The following NLGN1 variants were observed in gnomAD, a reference collection of about 807,000 sequenced individuals.
NLGN1 encodes neuroligin 1.
In NLGN1, 12 loss-of-function variants were observed where a neutral mutation model predicts 65.5. The ratio of observed to expected loss-of-function variants is 0.18; its 90% confidence interval spans 0.12 to 0.30. The LOEUF (loss-of-function observed/expected upper bound fraction) is 0.30, where lower values mean the gene tolerates loss of function less well. Ranked by LOEUF, NLGN1 falls within the 10% of genes least tolerant of loss-of-function variation. NLGN1 has a pLI of 1.00. For missense variants in NLGN1, 750 were observed against 1,007.1 expected, an observed-to-expected ratio of 0.74 and a Z score of 3.46; for synonymous variants, 350 against 359.5, an observed-to-expected ratio of 0.97 and a Z score of 0.30.
intron 3 of NLGN1, among the ~76,000 whole-genome samples, chr3:173,779,818 G>A (rs1450383578): frequency 6.6e-6 from 1 of 152,096 alleles, no homozygotes. Flanking sequence ...AGGCCTTAAA[G>A]ATGAGTGGCA....
intron 2 of NLGN1, among the ~76,000 whole-genome samples, chr3:173,512,509 C>T (rs1733142443): frequency 6.6e-6 from 1 of 152,154 alleles, no homozygotes; most frequent in Non-Finnish European, 1.5e-5. Context: ...TCCCGATGTC[C>T]AGCTGCTTCT....
chr3:173,887,367 A>G (rs1465363732), intron 4 of NLGN1, among the ~76,000 whole-genome samples: 1 of 151,956 alleles, frequency 6.6e-6, no homozygotes, highest in Non-Finnish European at 1.5e-5. Context: ...GTAGCTAACA[A>G]CTTGATCGTA....
chr3:174,040,912 C>G (rs1182056540), intron 4 of NLGN1, among the ~76,000 whole-genome samples: 1 of 152,110 alleles, frequency 6.6e-6, no homozygotes, highest in Admixed American at 6.6e-5. Context: ...TTGCAGTTAA[C>G]AGTACACTTC....
At chr3:174,181,603 G>C (rs1025773369) in intron 4 of NLGN1, among the ~76,000 whole-genome samples, 5 of 152,164 alleles carry the variant, frequency 3.3e-5, no homozygotes, top group African/African-American at 1.2e-4. Context: ...TTTGTTGACT[G>C]GGAAACATTC....
At chr3:173,929,905 T>C (rs1011932912) in intron 4 of NLGN1, among the ~76,000 whole-genome samples, 2 of 152,118 alleles carry the variant, frequency 1.3e-5, no homozygotes, top group African/African-American at 4.8e-5. Context: ...GGTTTCTCCA[T>C]GTTGGTCAGG....
chr3:174,242,778 C>T (rs763900404), intron 4 of NLGN1, among the ~76,000 whole-genome samples: 2 of 152,144 alleles, frequency 1.3e-5, no homozygotes, highest in Non-Finnish European at 2.9e-5. Context: ...AAATGCAATG[C>T]ACTTGAATCA....
intron 3 of NLGN1, among the ~76,000 whole-genome samples, chr3:173,653,079 A>G (rs1049614980): frequency 6.6e-6 from 1 of 152,142 alleles, no homozygotes; most frequent in Admixed American, 6.5e-5. Context: ...TGATTTTTGT[A>G]TATCTATTTT....
chr3:174,042,225 T>C (rs1317318136), intron 4 of NLGN1, among the ~76,000 whole-genome samples: 1 of 152,162 alleles, frequency 6.6e-6, no homozygotes, highest in Non-Finnish European at 1.5e-5. Context: ...AGTTTTAATT[T>C]TGATGTATTA....
rs140133915 is a variant in NLGN1, at chr3:173,441,438, G to T, written c.-321+6360G>T. Among the ~76,000 whole-genome samples the T allele has an allele frequency of 7.9e-5, 12 of 152,238 alleles. No individual in the cohort carries two copies. In the East Asian group the frequency reaches 2.3e-3, roughly 29 times the overall value. ...TAAGTATTTCTAGTTTTGATTGAAG[G>T]TGAGATATATGTGACTCTCCTTTCA... On this transcript the variant is annotated intron_variant, in intron 2 of 6. Transcript: ENST00000457714.
intron 2 of NLGN1, among the ~76,000 whole-genome samples, chr3:173,537,483 A>AGT (rs35226730): frequency 0.46 from 68,701 of 149,016 alleles, 16,422 homozygotes; most frequent in East Asian, 0.75. Context: ...GTATTTGCTT[A>AGT]GTGTGTGTGT....
intron 2 of NLGN1, among the ~76,000 whole-genome samples, chr3:173,580,385 T>A (rs1746203011): frequency 6.6e-6 from 1 of 152,076 alleles, no homozygotes; most frequent in Admixed American, 6.5e-5. Context: ...CTTGGTCTTT[T>A]ATTTCCATTA....
chr3:173,571,161 T>A (rs988559595), intron 2 of NLGN1, among the ~76,000 whole-genome samples: 1 of 152,210 alleles, frequency 6.6e-6, no homozygotes, highest in African/African-American at 2.4e-5. Context: ...AAAGGTTGGA[T>A]TTTTATGGTT....
At chr3:174,087,937 T>C (rs1043643821) in intron 4 of NLGN1, among the ~76,000 whole-genome samples, 5 of 152,348 alleles carry the variant, frequency 3.3e-5, no homozygotes, top group African/African-American at 9.6e-5. Context: ...TCCTGCAATA[T>C]GGCATCATTT....
intron 3 of NLGN1, among the ~76,000 whole-genome samples, chr3:173,764,309 A>C (rs553452399): frequency 6.6e-6 from 1 of 152,142 alleles, no homozygotes; most frequent in Non-Finnish European, 1.5e-5. Flanking sequence ...TGATAAGTAT[A>C]CTCTGTCTGA....
At chr3:174,200,976 C>T (rs1436327117) in intron 4 of NLGN1, among the ~76,000 whole-genome samples, 2 of 152,102 alleles carry the variant, frequency 1.3e-5, no homozygotes, top group Non-Finnish European at 2.9e-5. Flanking sequence ...GTTGTTCACG[C>T]CCGTAATCCC....
intron 3 of NLGN1, among the ~76,000 whole-genome samples, chr3:173,755,817 AC>A (rs893513290): frequency 2.0e-5 from 3 of 152,074 alleles, no homozygotes; most frequent in African/African-American, 4.8e-5. Flanking sequence ...TGCCCAGCAA[AC>A]ATTTTTGGGG....
intron 4 of NLGN1, among the ~76,000 whole-genome samples, chr3:173,824,585 CAT>C (rs755599631): frequency 6.7e-6 from 1 of 148,688 alleles, no homozygotes; most frequent in African/African-American, 2.5e-5. Context: ...TGTGTATTGA[CAT>C]GTGCACTTAT....
chr3:173,868,475 A>G (rs891346046), intron 4 of NLGN1, among the ~76,000 whole-genome samples: 1 of 152,290 alleles, frequency 6.6e-6, no homozygotes, highest in East Asian at 1.9e-4. Context: ...GGTAAGTCTC[A>G]GAATAAAGTT....
chr3:173,879,555 C>T (rs575693951), intron 4 of NLGN1, among the ~76,000 whole-genome samples: 112 of 152,016 alleles, frequency 7.4e-4, no homozygotes, highest in Middle Eastern at 3.4e-3. Context: ...TCCTTGTCTA[C>T]GAAAGTTCAA....
Sources: gnomAD v4.1 joint callset for allele counts (sites outside exome capture counted in the v4.1 genomes callset) on GRCh38, gnomAD v4.1.1 for gene constraint, MANE v1.5 for transcripts, NCBI Gene and HGNC (gene_info 2026-07-23, HGNC 2026-07-21) for gene names.